SLC9A3: variants seen among roughly 807,000 people sequenced by gnomAD.
SLC9A3 encodes the protein solute carrier family 9 member A3.
SLC9A3 carries 37 observed loss-of-function variants against 86.8 expected under a neutral mutation model. The ratio of observed to expected loss-of-function variants is 0.43; its 90% confidence interval spans 0.33 to 0.56. SLC9A3 has a LOEUF of 0.56. Among genes scored for constraint, SLC9A3 ranks in the 20% least tolerant of loss-of-function variants. The probability of loss-of-function intolerance (pLI) is 0.06; values close to 1 mark genes in which losing one functional copy is unlikely to be tolerated. For synonymous variants in SLC9A3, 581 were observed against 528.3 expected (o/e 1.10, Z -1.37); for missense variants, 1,011 against 1,171.9 (o/e 0.86, Z 2.00).
intron 10 of SLC9A3, chr5:478,382 C>G (rs1738903694): frequency 1.3e-5 from 2 of 152,350 alleles, no homozygotes; most frequent in African/African-American, 4.8e-5. Flanking sequence ...TGTGCAGCAC[C>G]CGGGCACGTG....
intron 3 of SLC9A3, 75 bp downstream of exon 3, chr5:488,241 T>C: frequency 6.5e-7 from 1 of 1,532,220 alleles, no homozygotes; most frequent in Non-Finnish European, 9.0e-7. Flanking sequence ...CTTTGCTGAC[T>C]GACCGATGGG....
chr5:477,249 G>A, intron 11 of SLC9A3, 83 bp downstream of exon 11: 1 of 962,200 alleles, frequency 1.0e-6, no homozygotes, highest in Non-Finnish European at 1.6e-6. Context: ...CCCAGGCCAG[G>A]AGCCACCACA....
intron 1 of SLC9A3, among the ~76,000 whole-genome samples, chr5:520,477 C>G (rs1733853014): frequency 6.6e-6 from 1 of 152,124 alleles, no homozygotes; most frequent in African/African-American, 2.4e-5. Context: ...CTGTGACATC[C>G]CCACTCCTGC....
chr5:513,941 T>C (rs1489252927), intron 1 of SLC9A3, among the ~76,000 whole-genome samples: 1 of 152,230 alleles, frequency 6.6e-6, no homozygotes, highest in Non-Finnish European at 1.5e-5. Context: ...GCACAGCCAC[T>C]GGAGCTTCTC....
In SLC9A3 at chr5:496,458, C is replaced by G. The variant is rs1740026009; in HGVS notation, c.212-4387G>C. ...GTTCTGTGAAAGTGTCGGCTTGCTC[C>G]CCTGCCGGGCACTGATCCTTTCCTA... On this transcript the variant is annotated intron_variant, in intron 1 of 16. Transcript: ENST00000264938. The surrounding 1 kb of genome is among the most constrained non-coding windows in gnomAD (Gnocchi z 4.7). 6.6e-6 allele frequency among the ~76,000 whole-genome samples: 1 copy of G among 152,246 alleles called. No individual in the cohort carries two copies. Among genetic ancestry groups the G allele is most frequent in the Admixed American group, 6.5e-5 (1 of 15,282 alleles).
At chr5:477,193 GAC>G (rs1738801491) in intron 11 of SLC9A3, 137 bp downstream of exon 11, 1 of 608,824 alleles carries the variant, frequency 1.6e-6, no homozygotes, top group Non-Finnish European at 2.9e-6. Flanking sequence ...TGTGGAAGGA[GAC>G]ACCCACCCCC....
intron 1 of SLC9A3, among the ~76,000 whole-genome samples, chr5:499,788 C>T (rs1332998750): frequency 6.6e-6 from 1 of 152,202 alleles, no homozygotes; most frequent in Non-Finnish European, 1.5e-5. Context: ...AGAGACCTTG[C>T]ATCTGCGCAT....
chr5:499,369 G>C (rs1052582286), intron 1 of SLC9A3, among the ~76,000 whole-genome samples: 2 of 152,240 alleles, frequency 1.3e-5, no homozygotes, highest in African/African-American at 4.8e-5. Flanking sequence ...CTGGCATGAG[G>C]GCCTGACCCG....
chr5:502,541 G>A (rs1256365183), intron 1 of SLC9A3, among the ~76,000 whole-genome samples: 1 of 152,256 alleles, frequency 6.6e-6, no homozygotes, highest in African/African-American at 2.4e-5. Flanking sequence ...CGAGACACGT[G>A]AAGTGGGAAT....
At chr5:486,676 G>A (rs996924283) in intron 3 of SLC9A3, among the ~76,000 whole-genome samples, 44 of 152,162 alleles carry the variant, frequency 2.9e-4, no homozygotes, top group African/African-American at 8.2e-4. Context: ...GCATGTGAGC[G>A]TGAAAAAGGG....
chr5:488,452 T>C lies in SLC9A3; in HGVS notation c.539A>G (p.Asp180Gly). ...LMGDLQIGLL[D>G]FLLFGSLMAA... Reference sequence around the variant, plus strand: ...CATGAGGCTGCCAAACAGGAGGAAGTCCAGCAGCCCAATCTGCAGGTCGCC... The same window carrying C: ...CATGAGGCTGCCAAACAGGAGGAAGCCCAGCAGCCCAATCTGCAGGTCGCC... The change falls in exon 3 of 17, where the codon GAC becomes GGC. Residue 180 changes from aspartate to glycine, a missense_variant. Around this residue, in one of 3 missense-constraint regions of SLC9A3, gnomAD observed 565 missense variants for 790.0 expected, o/e 0.72. Coordinates refer to ENST00000264938, the MANE Select transcript of SLC9A3 (RefSeq NM_004174.4). The C allele has an allele frequency of 6.3e-7, 1 of 1,584,806 alleles. No homozygotes were observed. Among genetic ancestry groups the C allele is most frequent in the Non-Finnish European group, 8.6e-7 (1 of 1,162,536 alleles).
chr5:511,494 G>GA (rs1490214005), intron 1 of SLC9A3, among the ~76,000 whole-genome samples: 5 of 152,232 alleles, frequency 3.3e-5, no homozygotes, highest in African/African-American at 1.2e-4. Flanking sequence ...CATCTGGGCA[G>GA]ACCCCACACC....
chr5:524,223 C>A lies in SLC9A3; in HGVS notation c.100G>T (p.Gly34Cys), dbSNP rs1249390870. ...RAGGVEVEPG[G>C]AHGESGGFQV... is the part of the protein sequence containing the mutation. ...AAGCCCCCGCTCTCGCCGTGCGCGC[C>A]GCCGGGCTCCACCTCGACGCCCCCG... The change falls in exon 1 of 17, where the codon GGC becomes TGC. Residue 34 changes from glycine (G) to cysteine (C), a missense_variant. Physicochemically the swap from Gly to Cys is radical, Grantham distance 159. Coordinates refer to ENST00000264938, the MANE Select transcript of SLC9A3 (RefSeq NM_004174.4). The A allele has an allele frequency of 3.3e-6, 5 of 1,508,614 alleles. No homozygotes were observed. Among genetic ancestry groups the A allele is most frequent in the Non-Finnish European group, 4.4e-6 (5 of 1,129,374 alleles). 93.5% of individuals were successfully genotyped at this position (1,508,614 alleles called of 1,614,324 possible).
intron 1 of SLC9A3, among the ~76,000 whole-genome samples, chr5:504,056 C>T (rs982288212): frequency 3.9e-5 from 6 of 151,920 alleles, no homozygotes; most frequent in Admixed American, 2.0e-4. Context: ...ATTATGAAAC[C>T]GTCTTCATCA....
chr5:506,794 G>C (rs975132355), intron 1 of SLC9A3, among the ~76,000 whole-genome samples: 41 of 152,042 alleles, frequency 2.7e-4, no homozygotes, highest in Non-Finnish European at 5.7e-4. Flanking sequence ...GGGGCCGGGC[G>C]CGGTGGCTCA....
At chr5:509,849 G>T (rs897184849) in intron 1 of SLC9A3, among the ~76,000 whole-genome samples, 1 of 152,206 alleles carries the variant, frequency 6.6e-6, no homozygotes, top group Non-Finnish European at 1.5e-5. Context: ...CTGATGATTT[G>T]GAAGGGAAAC....
rs775538172 is a variant in SLC9A3 at position 483,238 on chromosome 5, G to T, written c.1153+24C>A. On this transcript the variant is annotated intron_variant, in intron 6 of 16. Transcript: ENST00000264938. ...GGTGCCGGCCCATCGGTGGTCCCAC[G>T]GCCGCAACCCGGCCCCGCCTCACCG... is the stretch of plus-strand genomic sequence containing the variant. 2.6e-6 allele frequency: 4 copies of T among 1,519,648 alleles called. No individual in the cohort carries two copies. The South Asian group carries it at 4.8e-5, about 18-fold the overall frequency. 94.1% of individuals were successfully genotyped at this position (1,519,648 alleles called of 1,614,324 possible).
chr5:489,257 C>T (rs1275446691), intron 2 of SLC9A3, among the ~76,000 whole-genome samples: 1 of 152,128 alleles, frequency 6.6e-6, no homozygotes, highest in Non-Finnish European at 1.5e-5. Context: ...TTGCTGCCTT[C>T]CCGGCCGTGA....
intron 1 of SLC9A3, among the ~76,000 whole-genome samples, chr5:514,677 G>A (rs925342935): frequency 5.3e-5 from 8 of 152,230 alleles, no homozygotes; most frequent in African/African-American, 1.7e-4. Flanking sequence ...GACGGAGCCC[G>A]CAGTAGCTGC....
Sources: gnomAD v4.1 joint callset for allele counts (sites outside exome capture counted in the v4.1 genomes callset) on GRCh38, gnomAD v4.1.1 for gene constraint, gnomAD v4.1.1 regional missense constraint, Gnocchi (gnomAD v3.1) non-coding constraint, MANE v1.5 for transcripts, NCBI Gene and HGNC (gene_info 2026-07-23, HGNC 2026-07-21) for gene names.